ALK: variants seen among roughly 807,000 people sequenced by gnomAD.
ALK encodes ALK receptor tyrosine kinase, also known as ALK tyrosine kinase receptor.
Under a neutral mutation model 163.1 loss-of-function variants are expected in ALK, and 74 were observed. The ratio of observed to expected loss-of-function variants is 0.45; its 90% confidence interval spans 0.38 to 0.55. The LOEUF is 0.55. ALK is among the 20% of genes least tolerant of loss of function. The pLI is 0.00. For synonymous variants in ALK, 960 were observed against 843.2 expected, an observed-to-expected ratio of 1.14 and a Z score of -2.40; for missense variants, 2,063 against 2,105.3, an observed-to-expected ratio of 0.98 and a Z score of 0.39.
At chr2:29,580,798 G>A (rs1558394109) in intron 3 of ALK, among the ~76,000 whole-genome samples, 1 of 152,190 alleles carries the variant, frequency 6.6e-6, no homozygotes, top group East Asian at 1.9e-4. Flanking sequence ...GCCCAATGGC[G>A]GGGAGTCAGA....
intron 4 of ALK, among the ~76,000 whole-genome samples, chr2:29,447,349 A>G (rs1035271644): frequency 1.3e-5 from 2 of 152,220 alleles, no homozygotes; most frequent in Non-Finnish European, 2.9e-5. Flanking sequence ...CCATCACAGT[A>G]TCTGGGTAAG....
intron 1 of ALK, among the ~76,000 whole-genome samples, chr2:29,873,577 G>A (rs1666630802): frequency 6.6e-6 from 1 of 152,146 alleles, no homozygotes; most frequent in Non-Finnish European, 1.5e-5. Context: ...AAACCAAGAT[G>A]CTAGAAATAT....
chr2:29,252,646 A>C (rs1664848632), intron 11 of ALK, among the ~76,000 whole-genome samples: 1 of 152,140 alleles, frequency 6.6e-6, no homozygotes. Flanking sequence ...GTTCTAATGC[A>C]TATGCTACTC....
At chr2:29,525,339 G>A (rs910840832) in intron 4 of ALK, among the ~76,000 whole-genome samples, 2 of 152,156 alleles carry the variant, frequency 1.3e-5, no homozygotes, top group African/African-American at 4.8e-5. Flanking sequence ...TTAGTAAATG[G>A]TTATATAAAG....
At chr2:29,411,409 G>A (rs771250891) in intron 4 of ALK, among the ~76,000 whole-genome samples, 61 of 141,978 alleles carry the variant, frequency 4.3e-4, no homozygotes, top group Non-Finnish European at 5.6e-4. Context: ...GATAATGCAC[G>A]ATGAACATTC....
At chr2:29,780,239 G>A (rs941013209) in intron 1 of ALK, among the ~76,000 whole-genome samples, 5 of 152,074 alleles carry the variant, frequency 3.3e-5, no homozygotes, top group African/African-American at 7.2e-5. Flanking sequence ...CTCATCTTCC[G>A]AGCACAGAGC....
intron 3 of ALK, among the ~76,000 whole-genome samples, chr2:29,605,674 C>T (rs1014498041): frequency 1.4e-4 from 22 of 152,168 alleles, no homozygotes; most frequent in African/African-American, 4.6e-4. Flanking sequence ...CACCAGAAAC[C>T]GGCCATGTGA....
chr2:29,305,300 CGAGAGAGAGAAAAA>C (rs1558662124), intron 8 of ALK, among the ~76,000 whole-genome samples: 1 of 151,938 alleles, frequency 6.6e-6, no homozygotes, highest in Non-Finnish European at 1.5e-5. Flanking sequence ...TGAGAATAAC[CGAGAGAGAGAAAAA>C]GAGAGAGAGA....
chr2:29,745,741 C>T (rs1680192824), intron 1 of ALK, among the ~76,000 whole-genome samples: 2 of 152,160 alleles, frequency 1.3e-5, no homozygotes, highest in Admixed American at 1.3e-4. Flanking sequence ...GGCATGTATC[C>T]CAACCAATAA....
At chr2:29,742,857 A>C (rs1475799456) in intron 1 of ALK, among the ~76,000 whole-genome samples, 1 of 152,110 alleles carries the variant, frequency 6.6e-6, no homozygotes, top group Non-Finnish European at 1.5e-5. Flanking sequence ...CCCCTACCAA[A>C]ATAACAGCTG....
At chr2:29,754,344 G>A (rs765625307) in intron 1 of ALK, among the ~76,000 whole-genome samples, 3 of 152,116 alleles carry the variant, frequency 2.0e-5, no homozygotes, top group Admixed American at 2.0e-4. Context: ...TTTGAAGGAG[G>A]ACAGGGCAGT....
intron 1 of ALK, among the ~76,000 whole-genome samples, chr2:29,785,327 C>G (rs1471275845): frequency 6.6e-6 from 1 of 152,156 alleles, no homozygotes; most frequent in Non-Finnish European, 1.5e-5. Context: ...CTGCAAACAG[C>G]AGGCACACAG....
rs535864522 is a variant in ALK at position 29,196,820 on chromosome 2, C to G, written c.4114G>C (p.Asp1372His). ...MTQCWQHQPE[D>H]RPNFAIILER... ...AAAATGATGGCAAAGTTGGGCCTGT[C>G]TTCAGGCTGATGTTGCCAGCACTGA... Residue 1372 changes from aspartate (D) to histidine (H), a missense_variant, in exon 28 of 29, where the codon GAC (aspartate) becomes CAC (histidine). Physicochemically the swap from Asp to His is moderately conservative, Grantham distance 81. Transcript: ENST00000389048. 2 of 1,614,188 alleles carry G rather than the reference C, an allele frequency of 1.2e-6. No individual in the cohort carries two copies. The highest frequency in any genetic ancestry group is 1.1e-5 in the South Asian group (1 of 91,086).
In ALK at chr2:29,675,456, C is replaced by T. The variant is rs924990739; in HGVS notation, c.952+19394G>A. 5.9e-5 allele frequency among the ~76,000 whole-genome samples: 9 copies of T among 151,970 alleles called. No homozygotes were observed. In the South Asian group the frequency reaches 6.2e-4, roughly 11 times the overall value. On this transcript the variant is annotated intron_variant, in intron 3 of 28. Transcript: ENST00000389048. ...AGAGTTTCCCCTTAAAGGCAGCCTG[C>T]GTCTTCCTTTTCCTTTGCCCCCAAC...
chr2:29,631,213 T>C (rs1676362892), intron 3 of ALK, among the ~76,000 whole-genome samples: 1 of 152,248 alleles, frequency 6.6e-6, no homozygotes, highest in African/African-American at 2.4e-5. Flanking sequence ...ATATGCATTA[T>C]TGAACAAGCG....
At position 29,205,934 on chromosome 2, in the gene ALK, G is replaced by A. The variant is rs532330018; in HGVS notation, c.3938+1237C>T. ...CTGTATCTGTAATTTTCTCTTCATC[G>A]GTCCTCCAAAGAGAAATTCTCTGAT... On this transcript the variant is annotated intron_variant, in intron 26 of 28. Transcript: ENST00000389048. 1.8e-4 allele frequency among the ~76,000 whole-genome samples: 27 copies of A among 152,012 alleles called. 1 individual carries two copies. Among genetic ancestry groups the A allele is most frequent in the Middle Eastern group, 6.8e-3 (2 of 294 alleles).
chr2:29,668,692 C>T lies in ALK; in HGVS notation c.952+26158G>A, dbSNP rs74541041. On this transcript the variant is annotated intron_variant, in intron 3 of 28. Transcript: ENST00000389048. Reference sequence around the variant, plus strand: ...ATGATCTATTCTGGAGAATATTCCACGTGTTGATTAGTTTATTCTGCACAT... The same window carrying T: ...ATGATCTATTCTGGAGAATATTCCATGTGTTGATTAGTTTATTCTGCACAT... 2.5e-3 allele frequency among the ~76,000 whole-genome samples: 374 copies of T among 152,128 alleles called. 2 individuals carry two copies. The highest frequency in any genetic ancestry group is 8.6e-3 in the African/African-American group (356 of 41,512).
intron 4 of ALK, among the ~76,000 whole-genome samples, chr2:29,423,928 A>G (rs997154046): frequency 1.3e-5 from 2 of 152,222 alleles, no homozygotes; most frequent in Non-Finnish European, 2.9e-5. Flanking sequence ...TTTGACCAGC[A>G]GACTCCCTCC....
At chr2:29,288,122 C>T (rs1665908600) in intron 9 of ALK, among the ~76,000 whole-genome samples, 1 of 152,122 alleles carries the variant, frequency 6.6e-6, no homozygotes, top group Non-Finnish European at 1.5e-5. Context: ...TCTTCCTTCA[C>T]AGCTATAGCC....
Sources: gnomAD v4.1 joint callset for allele counts (sites outside exome capture counted in the v4.1 genomes callset) on GRCh38, gnomAD v4.1.1 for gene constraint, MANE v1.5 for transcripts, NCBI Gene and HGNC (gene_info 2026-07-23, HGNC 2026-07-21) for gene names.